LRRC4C: variants seen among roughly 807,000 people sequenced by gnomAD.
The protein encoded by LRRC4C is leucine rich repeat containing 4C, also known as leucine-rich repeat-containing protein 4C.
Under a neutral mutation model 33.6 loss-of-function variants are expected in LRRC4C, and 5 were observed. The observed-to-expected ratio is 0.15, with a 90% CI of 0.08 to 0.31. The LOEUF (loss-of-function observed/expected upper bound fraction) is 0.31, where lower values mean the gene tolerates loss of function less well. LRRC4C is among the 10% of genes least tolerant of loss of function. LRRC4C has a pLI of 1.00. For missense variants in LRRC4C, 560 were observed against 796.7 expected (o/e 0.70, Z 3.58); for synonymous variants, 329 against 302.0 (o/e 1.09, Z -0.93).
chr11:40,988,327 T>C (rs1853224098), intron 1 of LRRC4C, among the ~76,000 whole-genome samples: 1 of 152,210 alleles, frequency 6.6e-6, no homozygotes, highest in Admixed American at 6.5e-5. Flanking sequence ...ATGTCTTTTG[T>C]CTTTTGTTAT....
chr11:40,519,679 GA>G (rs1955726706), intron 3 of LRRC4C, among the ~76,000 whole-genome samples: 1 of 152,154 alleles, frequency 6.6e-6, no homozygotes, highest in Non-Finnish European at 1.5e-5. Context: ...AATGTCAATG[GA>G]AAACTTTCTG....
At chr11:41,250,659 C>T (rs1306029038) in intron 1 of LRRC4C, among the ~76,000 whole-genome samples, 4 of 152,140 alleles carry the variant, frequency 2.6e-5, no homozygotes, top group Non-Finnish European at 5.9e-5. Flanking sequence ...ATCCATAAGG[C>T]ACATGCTCAG....
intron 1 of LRRC4C, among the ~76,000 whole-genome samples, chr11:41,236,920 A>G (rs1313186706): frequency 2.6e-5 from 4 of 152,226 alleles, no homozygotes; most frequent in African/African-American, 9.6e-5. Context: ...CAATATTAGC[A>G]TTGTTGTAAA....
chr11:41,338,832 T>TA (rs773698874), intron 1 of LRRC4C, among the ~76,000 whole-genome samples: 2 of 151,580 alleles, frequency 1.3e-5, no homozygotes, highest in African/African-American at 2.4e-5. Context: ...TCCTACTCTC[T>TA]AAAAAAAAAT....
intron 3 of LRRC4C, among the ~76,000 whole-genome samples, chr11:40,386,078 A>AATT (rs1949101205): frequency 1.4e-5 from 2 of 145,338 alleles, no homozygotes; most frequent in Admixed American, 6.9e-5. Context: ...GAAATATAAT[A>AATT]AATTAAAAAA....
intron 2 of LRRC4C, among the ~76,000 whole-genome samples, chr11:40,651,114 G>A (rs2136148007): frequency 6.6e-6 from 1 of 152,228 alleles, no homozygotes; most frequent in African/African-American, 2.4e-5. Context: ...TAACACTTTG[G>A]AAACTTTGCT....
At chr11:40,938,282 G>C (rs185459164) in intron 1 of LRRC4C, among the ~76,000 whole-genome samples, 47 of 152,200 alleles carry the variant, frequency 3.1e-4, no homozygotes, top group African/African-American at 9.1e-4. Context: ...ATTTGGATGA[G>C]TGCACCGCAA....
chr11:41,306,914 C>G (rs1375606579), intron 1 of LRRC4C, among the ~76,000 whole-genome samples: 2 of 152,146 alleles, frequency 1.3e-5, no homozygotes, highest in East Asian at 3.8e-4. Flanking sequence ...AAGAGAGAAT[C>G]AAATACACAG....
intron 2 of LRRC4C, among the ~76,000 whole-genome samples, chr11:40,806,118 G>A (rs755308696): frequency 3.3e-5 from 5 of 152,078 alleles, no homozygotes; most frequent in African/African-American, 9.7e-5. Context: ...AAAATGTTAC[G>A]ACTGTTGTCA....
chr11:40,590,801 G>A (rs1402424827), intron 3 of LRRC4C, among the ~76,000 whole-genome samples: 1 of 151,828 alleles, frequency 6.6e-6, no homozygotes, highest in Non-Finnish European at 1.5e-5. Flanking sequence ...GGGGTCAGGG[G>A]TCAGGGACCC....
rs368862437 is a variant in LRRC4C, at chr11:41,288,079, A to C, written c.-496+171352T>G. Among the ~76,000 whole-genome samples, 8 of 152,308 alleles carry C rather than the reference A, an allele frequency of 5.3e-5. No homozygotes were observed. The East Asian group carries it at 1.2e-3, about 22-fold the overall frequency. On this transcript the variant is annotated intron_variant, in intron 1 of 6. Transcript: ENST00000528697. The stretch of plus-strand genomic sequence containing the variant: ...TGGATTACTCTGTGCCAGGTTCTCT[A>C]CTATGCTCTAATTATCAGACACATT...
At chr11:41,012,269 C>A (rs1328658761) in intron 1 of LRRC4C, among the ~76,000 whole-genome samples, 1 of 152,022 alleles carries the variant, frequency 6.6e-6, no homozygotes, top group Non-Finnish European at 1.5e-5. Context: ...TGTTAACCAC[C>A]AGTTTACTCT....
Position 40,657,195 on chromosome 11 carries a change from C to T in LRRC4C, c.-406-8917G>A, listed in dbSNP as rs139353830. 4.4e-3 allele frequency among the ~76,000 whole-genome samples: 663 copies of T among 152,302 alleles called. 6 individuals are homozygous for T. Among genetic ancestry groups the T allele is most frequent in the African/African-American group, 0.015 (637 of 41,558 alleles). ...ATGGCCAAGACTACACAGCTATTCA[C>T]TTGTCTCACAAGTGTTAAAACCCAG... On this transcript the variant is annotated intron_variant, in intron 2 of 6. Coordinates refer to ENST00000528697, the MANE Select transcript of LRRC4C (RefSeq NM_001258419.2).
chr11:40,238,267 C>T (rs1478515267), intron 5 of LRRC4C, among the ~76,000 whole-genome samples: 1 of 152,180 alleles, frequency 6.6e-6, no homozygotes, highest in Non-Finnish European at 1.5e-5. Context: ...CAGAGCCCTG[C>T]TCTAGCCACT....
intron 2 of LRRC4C, among the ~76,000 whole-genome samples, chr11:40,744,288 TAG>T (rs1334929537): frequency 2.0e-5 from 3 of 152,146 alleles, no homozygotes; most frequent in African/African-American, 4.8e-5. Flanking sequence ...GGAGTCATTT[TAG>T]ACAGATAAGT....
chr11:40,285,091 T>C (rs1943743746), intron 4 of LRRC4C, among the ~76,000 whole-genome samples: 1 of 152,138 alleles, frequency 6.6e-6, no homozygotes, highest in South Asian at 2.1e-4. Flanking sequence ...CCAGGCACTG[T>C]ACTGAAAATA....
intron 2 of LRRC4C, among the ~76,000 whole-genome samples, chr11:40,735,247 G>A (rs1044069867): frequency 6.6e-6 from 1 of 152,012 alleles, no homozygotes; most frequent in Non-Finnish European, 1.5e-5. Flanking sequence ...TGCCATGCTG[G>A]TGTGCTGCAC....
intron 6 of LRRC4C, among the ~76,000 whole-genome samples, chr11:40,138,233 TCATAGCTCA>T (rs1469062913): frequency 6.6e-6 from 1 of 151,820 alleles, no homozygotes; most frequent in Non-Finnish European, 1.5e-5. Flanking sequence ...AATGGTGCAA[TCATAGCTCA>T]CTGTAACCTT....
intron 5 of LRRC4C, among the ~76,000 whole-genome samples, chr11:40,192,445 T>A (rs767219406): frequency 1.3e-5 from 2 of 152,186 alleles, no homozygotes; most frequent in Non-Finnish European, 2.9e-5. Context: ...TATCTCACGG[T>A]CTTCGCAATC....
Sources: gnomAD v4.1 joint callset for allele counts (sites outside exome capture counted in the v4.1 genomes callset) on GRCh38, gnomAD v4.1.1 for gene constraint, MANE v1.5 for transcripts, NCBI Gene and HGNC (gene_info 2026-07-23, HGNC 2026-07-21) for gene names.